FYB2: variants seen among roughly 807,000 people sequenced by gnomAD.
FYB2 encodes FYN-binding protein 2.
A neutral mutation model predicts 94.1 loss-of-function variants in FYB2; 103 were observed. The observed-to-expected ratio is 1.09, with a 90% CI of 0.93 to 1.29. The LOEUF (loss-of-function observed/expected upper bound fraction) is 1.29, where lower values mean the gene tolerates loss of function less well. Among genes scored for constraint, FYB2 ranks in the 50% most tolerant of loss-of-function variants. The pLI, the probability that FYB2 is intolerant of heterozygous loss-of-function variation, is 0.00. For synonymous variants in FYB2, 293 were observed against 287.9 expected (o/e 1.02, Z -0.18); for missense variants, 896 against 841.5 (o/e 1.06, Z -0.80).
upstream of FYB2, among the ~76,000 whole-genome samples, chr1:56,821,211 AG>A (rs1307121720): frequency 3.3e-5 from 5 of 152,184 alleles, no homozygotes. Context: ...TCCTAGTGCA[AG>A]GGCTCCCCCT....
chr1:56,789,767 G>T (rs1385941037), intron 2 of FYB2, among the ~76,000 whole-genome samples: 1 of 152,128 alleles, frequency 6.6e-6, no homozygotes. Context: ...GGGTGGGGAT[G>T]GTTTTGTATT....
intron 9 of FYB2, among the ~76,000 whole-genome samples, chr1:56,750,752 T>A (rs1165253884): frequency 6.6e-6 from 1 of 152,016 alleles, no homozygotes; most frequent in Non-Finnish European, 1.5e-5. Context: ...AAAAGCCCTG[T>A]GAGGTCCATA....
chr1:56,780,325 C>T (rs1400902649), intron 4 of FYB2, among the ~76,000 whole-genome samples: 2 of 152,304 alleles, frequency 1.3e-5, no homozygotes, highest in African/African-American at 2.4e-5. Context: ...CACACAGATC[C>T]CTCTGCACAG....
intron 4 of FYB2, among the ~76,000 whole-genome samples, chr1:56,778,846 C>G (rs1413873866): frequency 2.0e-5 from 3 of 152,122 alleles, no homozygotes; most frequent in African/African-American, 7.2e-5. Context: ...TTAATGAGGG[C>G]AGACACTTTG....
chr1:56,748,559 A>G (rs1399236029), intron 9 of FYB2, among the ~76,000 whole-genome samples: 1 of 151,942 alleles, frequency 6.6e-6, no homozygotes, highest in Non-Finnish European at 1.5e-5. Context: ...ATGGTTGTAC[A>G]TGTGTGATGT....
At chr1:56,741,738 G>C (rs857122) in intron 12 of FYB2, among the ~76,000 whole-genome samples, 114,047 of 151,886 alleles carry the variant, frequency 0.75, 43,986 homozygotes, top group African/African-American at 0.94. Context: ...CCCAAATCCC[G>C]GAGATAGCCT....
At chr1:56,757,810 C>A (rs147985459) in intron 6 of FYB2, among the ~76,000 whole-genome samples, 1 of 149,218 alleles carries the variant, frequency 6.7e-6, no homozygotes, top group Non-Finnish European at 1.5e-5. Context: ...CTGTCTACTG[C>A]CCAGGCTAAA....
chr1:56,792,241 G>T lies in FYB2; in HGVS notation c.572C>A (p.Ala191Asp). Reference protein sequence around the residue: ...EPRKKLETKGAQTLPSQKHVV... With the variant: ...EPRKKLETKGDQTLPSQKHVV... ...GTGCTTCTGGGAAGGAAGAGTCTGG[G>T]CTCCTTTTGTTTCCAGCTTTTTCCT... The change falls in exon 2 of 20, where the codon GCC (alanine) becomes GAC (aspartate). Residue 191 changes from alanine (A) to aspartate (D), a missense_variant. Physicochemically the swap from Ala to Asp is moderately radical, Grantham distance 126. Transcript: ENST00000343433. The T allele has an allele frequency of 6.2e-7, 1 of 1,612,620 alleles. No individual in the cohort carries two copies. Among genetic ancestry groups the T allele is most frequent in the East Asian group, 2.2e-5 (1 of 44,872 alleles).
rs751513168 is a variant in FYB2 at position 56,787,167 on chromosome 1, G to A, written c.953+8C>T. 1 of 1,613,918 alleles carries A rather than the reference G, an allele frequency of 6.2e-7. No individual in the cohort carries two copies. ...ACGTTCCTACACAACTAAGGAGCAT[G>A]TACTTACCTCTCTGGAGACAGGGAG... On this transcript the variant is annotated splice_region_variant and intron_variant, in intron 4 of 19. Coordinates refer to ENST00000343433, the MANE Select transcript of FYB2 (RefSeq NM_001004303.5).
intron 13 of FYB2, among the ~76,000 whole-genome samples, chr1:56,740,338 T>C (rs1181355473): frequency 3.9e-5 from 6 of 152,088 alleles, no homozygotes; most frequent in African/African-American, 1.4e-4. Flanking sequence ...CTGGGGCTTG[T>C]AGGGCCCCAA....
chr1:56,791,446 G>A (rs1646262959), intron 2 of FYB2, among the ~76,000 whole-genome samples: 1 of 151,992 alleles, frequency 6.6e-6, no homozygotes, highest in African/African-American at 2.4e-5. Flanking sequence ...AATAGAGATG[G>A]GGTTTTGCCA....
chr1:56,774,880 T>C (rs891338708), intron 4 of FYB2, among the ~76,000 whole-genome samples: 8 of 152,144 alleles, frequency 5.3e-5, no homozygotes, highest in Non-Finnish European at 1.0e-4. Flanking sequence ...CTTTCTCCCA[T>C]GCTGGATGCT....
At position 56,724,392 on chromosome 1, in the gene FYB2, A is replaced by G. The variant is rs796652616; in HGVS notation, c.1881-711T>C. 3.3e-5 allele frequency among the ~76,000 whole-genome samples: 5 copies of G among 152,176 alleles called. 1 individual carries two copies. Among genetic ancestry groups the G allele is most frequent in the African/African-American group, 1.2e-4 (5 of 41,542 alleles). On this transcript the variant is annotated intron_variant, in intron 16 of 19. Coordinates refer to ENST00000343433, the MANE Select transcript of FYB2 (RefSeq NM_001004303.5). ...CACATGAGATTTGGTTCTTCTTTTT[A>G]GCAGTTCAATGTATTGACAGAAGTA...
intron 1 of FYB2, among the ~76,000 whole-genome samples, chr1:56,810,281 A>C (rs560651810): frequency 6.6e-6 from 1 of 152,196 alleles, no homozygotes; most frequent in South Asian, 2.1e-4. Context: ...CTTCTTCTGC[A>C]CTCACGGACA....
intron 9 of FYB2, among the ~76,000 whole-genome samples, chr1:56,747,074 A>G (rs553694798): frequency 4.9e-4 from 74 of 151,912 alleles, no homozygotes; most frequent in African/African-American, 2.4e-5. Flanking sequence ...TAATTTCACT[A>G]TATTTCTTTT....
chr1:56,762,021 A>C (rs946435352), intron 5 of FYB2: 1 of 152,074 alleles, frequency 6.6e-6, no homozygotes, highest in Non-Finnish European at 1.5e-5. Flanking sequence ...TTTGTTAAAA[A>C]AAATAACAAC....
In FYB2 at chr1:56,767,962, A is replaced by C. The variant is rs758228958; in HGVS notation, c.954-24T>G. Reference sequence around the variant, plus strand: ...GCCTGGAGAAAAAAGGGTTACTTAAAATGTAACATTTTTAAAAACATATTT... The same window carrying C: ...GCCTGGAGAAAAAAGGGTTACTTAACATGTAACATTTTTAAAAACATATTT... On this transcript the variant is annotated intron_variant, in intron 4 of 19. Coordinates refer to ENST00000343433, the MANE Select transcript of FYB2 (RefSeq NM_001004303.5). 2.0e-6 allele frequency: 3 copies of C among 1,483,206 alleles called. No individual in the cohort carries two copies. In the South Asian group the frequency reaches 3.6e-5, roughly 18 times the overall value. 91.9% of individuals were successfully genotyped at this position (1,483,206 alleles called of 1,614,324 possible).
chr1:56,782,505 G>T (rs1646032105), intron 4 of FYB2, among the ~76,000 whole-genome samples: 1 of 151,914 alleles, frequency 6.6e-6, no homozygotes, highest in Non-Finnish European at 1.5e-5. Flanking sequence ...CACATGATCT[G>T]CCCAGCCCTA....
chr1:56,727,601 A>T (rs552213268), intron 15 of FYB2, among the ~76,000 whole-genome samples: 1 of 152,282 alleles, frequency 6.6e-6, no homozygotes, highest in South Asian at 2.1e-4. Flanking sequence ...TCAAATCCCA[A>T]ATGAAACAAT....
Sources: allele counts gnomAD v4.1 joint callset (sites outside exome capture counted in the v4.1 genomes callset), GRCh38; gene constraint gnomAD v4.1.1; transcripts MANE v1.5; gene names NCBI Gene and HGNC (gene_info 2026-07-23, HGNC 2026-07-21).